Variants in ENTREP2 observed in about 807,000 individuals in gnomAD.
The protein encoded by ENTREP2 is endosomal transmembrane epsin interactor 2, also known as protein ENTREP2.
chr15:29,355,439 C>A, the ENTREP2 span, among the ~76,000 whole-genome samples: 2 of 148,206 alleles, frequency 1.3e-5, no homozygotes, highest in Admixed American at 6.7e-5. Flanking sequence ...GCTTAAAAAC[C>A]AAAGATGAAG....
the ENTREP2 span, among the ~76,000 whole-genome samples, chr15:29,139,663 C>T: frequency 6.6e-6 from 1 of 152,212 alleles, no homozygotes; most frequent in Admixed American, 6.5e-5. Flanking sequence ...GGCTGCCACA[C>T]ACTGGAGGCT....
the ENTREP2 span, among the ~76,000 whole-genome samples, chr15:29,221,452 G>A: frequency 2.6e-5 from 4 of 151,914 alleles, no homozygotes; most frequent in Admixed American, 6.6e-5. Flanking sequence ...TGCCCACCTC[G>A]GCCTCTCAAA....
chr15:29,297,136 C>A, the ENTREP2 span, among the ~76,000 whole-genome samples: 1 of 152,018 alleles, frequency 6.6e-6, no homozygotes, highest in Admixed American at 6.5e-5. Flanking sequence ...CTCTCTGAAG[C>A]GAACAAAATC....
chr15:29,182,125 G>T, the ENTREP2 span, among the ~76,000 whole-genome samples: 2 of 150,904 alleles, frequency 1.3e-5, no homozygotes, highest in Non-Finnish European at 3.0e-5. Context: ...GTAAAAAAAA[G>T]AATTTTTTTT....
At chr15:29,484,825 T>C in the ENTREP2 span, among the ~76,000 whole-genome samples, 2 of 152,212 alleles carry the variant, frequency 1.3e-5, no homozygotes, top group African/African-American at 4.8e-5. Context: ...GACTATGATA[T>C]GGAAAAAAGC....
At chr15:29,540,363 A>G in the ENTREP2 span, among the ~76,000 whole-genome samples, 1 of 152,202 alleles carries the variant, frequency 6.6e-6, no homozygotes, top group Admixed American at 6.5e-5. Context: ...CAACTGTATG[A>G]TTATACCCCA....
the ENTREP2 span, among the ~76,000 whole-genome samples, chr15:29,525,651 G>A: frequency 9.2e-5 from 14 of 152,102 alleles, no homozygotes; most frequent in East Asian, 1.9e-4. Flanking sequence ...GGTTATATGC[G>A]GTATAATTCC....
At chr15:29,356,268 G>GTATATATATATATATATATATA in the ENTREP2 span, among the ~76,000 whole-genome samples, 1 of 57,594 alleles carries the variant, frequency 1.7e-5, no homozygotes, top group African/African-American at 8.6e-5. Flanking sequence ...GTGTGTGTGT[G>GTATATATATATATATATATATA]TATATATATA....
chr15:29,605,562 C>T, the ENTREP2 span, among the ~76,000 whole-genome samples: 1 of 152,112 alleles, frequency 6.6e-6, no homozygotes, highest in Admixed American at 6.5e-5. Context: ...CAGGGCAGGG[C>T]ATGGTAGCAC....
the ENTREP2 span, among the ~76,000 whole-genome samples, chr15:29,247,491 A>T: frequency 6.6e-6 from 1 of 152,226 alleles, no homozygotes; most frequent in Admixed American, 6.5e-5. Context: ...AATAGATTAT[A>T]AAGTCAAGGT....
At chr15:29,328,987 T>C in the ENTREP2 span, among the ~76,000 whole-genome samples, 1 of 152,162 alleles carries the variant, frequency 6.6e-6, no homozygotes, top group Non-Finnish European at 1.5e-5. Flanking sequence ...ATGTATACTA[T>C]GTGTTTTCCT....
chr15:29,395,595 A>C, the ENTREP2 span, among the ~76,000 whole-genome samples: 1 of 150,004 alleles, frequency 6.7e-6, no homozygotes, highest in Admixed American at 6.7e-5. Flanking sequence ...TGACGTGATC[A>C]CAGCTCACTG....
At chr15:29,324,741 A>G in the ENTREP2 span, among the ~76,000 whole-genome samples, 4,544 of 152,296 alleles carry the variant, frequency 0.03, 218 homozygotes, top group African/African-American at 0.1. Context: ...CTAAAAACAG[A>G]GCGTCAAAAT....
the ENTREP2 span, among the ~76,000 whole-genome samples, chr15:29,582,183 A>C: frequency 6.6e-6 from 1 of 152,182 alleles, no homozygotes; most frequent in Non-Finnish European, 1.5e-5. Flanking sequence ...ACAAAGGTGC[A>C]AAAGCAATTC....
chr15:29,536,872 C>T, the ENTREP2 span, among the ~76,000 whole-genome samples: 1 of 151,920 alleles, frequency 6.6e-6, no homozygotes, highest in Non-Finnish European at 1.5e-5. Flanking sequence ...CAAGGAATGC[C>T]CAAGGACTGC....
chr15:29,124,178 C>T, the ENTREP2 span, among the ~76,000 whole-genome samples: 1 of 152,204 alleles, frequency 6.6e-6, no homozygotes, highest in Admixed American at 6.5e-5. Context: ...GCTCCAGCTC[C>T]CCACAGAGCT....
the ENTREP2 span, among the ~76,000 whole-genome samples, chr15:29,632,101 C>T: frequency 6.6e-6 from 1 of 152,166 alleles, no homozygotes; most frequent in Admixed American, 6.6e-5. Context: ...TCCATCTGTG[C>T]CTTATGGTGG....
chr15:29,259,199 G>A, the ENTREP2 span, among the ~76,000 whole-genome samples: 4 of 152,158 alleles, frequency 2.6e-5, no homozygotes, highest in Non-Finnish European at 5.9e-5. Context: ...AAATTAGTTT[G>A]GAAAAGTCAC....
At chr15:29,382,946 C>T in the ENTREP2 span, among the ~76,000 whole-genome samples, 29 of 152,286 alleles carry the variant, frequency 1.9e-4, no homozygotes, top group East Asian at 4.6e-3. Context: ...CCCCATCACC[C>T]GGCTGAGGGC....
Sources: allele counts gnomAD v4.1 joint callset (sites outside exome capture counted in the v4.1 genomes callset), GRCh38; gene constraint gnomAD v4.1.1; transcripts MANE v1.5; gene names NCBI Gene and HGNC (gene_info 2026-07-23, HGNC 2026-07-21).